The following USP42 variants were observed in gnomAD, a reference collection of about 807,000 sequenced individuals.
USP42 encodes the protein ubiquitin carboxyl-terminal hydrolase 42.
Under a neutral mutation model 113.0 loss-of-function variants are expected in USP42, and 23 were observed. That is an observed-to-expected ratio of 0.20 (90% confidence interval 0.15 to 0.29). The LOEUF is 0.29. Among genes scored for constraint, USP42 ranks in the 10% least tolerant of loss-of-function variants. USP42 has a pLI of 1.00. For synonymous variants in USP42, 933 were observed against 699.0 expected (o/e 1.33, Z -5.28); for missense variants, 2,174 against 1,779.8 (o/e 1.22, Z -3.99).
chr7:6,096,986 T>C, the USP42 span, among the ~76,000 whole-genome samples: 2 of 150,388 alleles, frequency 1.3e-5, no homozygotes, highest in Non-Finnish European at 1.5e-5. Context: ...TGCTGTGGCA[T>C]GATCTTGGCT....
chr7:6,085,293 T>G, the USP42 span: 2 of 149,630 alleles, frequency 1.3e-5, no homozygotes, highest in African/African-American at 5.0e-5. Flanking sequence ...CTAATTTTTT[T>G]TTTTTTAGTT....
At chr7:6,102,334 G>A (rs904636972), upstream of USP42, among the ~76,000 whole-genome samples, 14 of 150,044 alleles carry the variant, frequency 9.3e-5, no homozygotes, top group Non-Finnish European at 2.1e-4. Context: ...GGCTGGTCTC[G>A]AACTCCTGAT....
the USP42 span, among the ~76,000 whole-genome samples, chr7:6,097,563 C>A: frequency 2.0e-5 from 3 of 150,346 alleles, no homozygotes; most frequent in Non-Finnish European, 4.4e-5. Flanking sequence ...TAAGCCACTG[C>A]GCCCAGCCAT....
At chr7:6,111,440 G>A in intron 2 of USP42, 66 bp downstream of exon 2, 1 of 1,562,194 alleles carries the variant, frequency 6.4e-7, no homozygotes, top group Non-Finnish European at 8.7e-7. Flanking sequence ...GGGGCTTGGT[G>A]GTTTCAGAGA....
chr7:6,146,450 A>G (rs520044), intron 11 of USP42, among the ~76,000 whole-genome samples: 3,977 of 152,198 alleles, frequency 0.026, 70 homozygotes, highest in Non-Finnish European at 0.038. Context: ...ACTTGAGCCC[A>G]GGAGTTCGAG....
At chr7:6,104,213 G>C (rs1159185848), upstream of USP42, among the ~76,000 whole-genome samples, 1 of 151,370 alleles carries the variant, frequency 6.6e-6, no homozygotes, top group Non-Finnish European at 1.5e-5. Context: ...TTCCCGAGTA[G>C]CTGGGACTAC....
rs1168155929 is a variant in USP42, at chr7:6,158,222, G to A, written c.3943+1167G>A. ...CAGGTGCGTTCCCACGCTGTCTGGC[G>A]GCTTCGCTGTCACTGCCTGGCAGAG... On this transcript the variant is annotated intron_variant, in intron 16 of 17. Transcript: ENST00000306177. This position sits in a 1 kb window ranked among gnomAD's most constrained non-coding sequence, Gnocchi z 4.2. Among the ~76,000 whole-genome samples the A allele has an allele frequency of 2.6e-5, 4 of 152,250 alleles. No homozygotes were observed. Among genetic ancestry groups the A allele is most frequent in the African/African-American group, 7.2e-5 (3 of 41,470 alleles).
At chr7:6,136,027 CAG>C in intron 4 of USP42, 76 bp downstream of exon 4, 1 of 843,918 alleles carries the variant, frequency 1.2e-6, no homozygotes, top group Non-Finnish European at 1.7e-6. Flanking sequence ...TTTTTCGAGA[CAG>C]AGTCTTGCTC....
upstream of USP42, among the ~76,000 whole-genome samples, chr7:6,102,866 G>C (rs1005275725): frequency 6.6e-6 from 1 of 151,158 alleles, no homozygotes. Context: ...GTTTTTGGAA[G>C]ACCACCCAAG....
chr7:6,085,733 G>C, the USP42 span, among the ~76,000 whole-genome samples: 1 of 150,230 alleles, frequency 6.7e-6, no homozygotes, highest in Non-Finnish European at 1.5e-5. Flanking sequence ...TCCTGCCTCA[G>C]CTTCCTGAGT....
upstream of USP42, among the ~76,000 whole-genome samples, chr7:6,102,214 C>G (rs1203632117): frequency 6.8e-6 from 1 of 146,002 alleles, no homozygotes. Flanking sequence ...CTCCCAGGTT[C>G]AAGCGATTCT....
the USP42 span, among the ~76,000 whole-genome samples, chr7:6,098,972 C>T: frequency 2.0e-5 from 3 of 150,110 alleles, 1 homozygote; most frequent in African/African-American, 7.4e-5. Flanking sequence ...AGAGTCCTGT[C>T]CTTTGTCTCA....
At chr7:6,120,215 C>T (rs1390717830) in intron 3 of USP42, among the ~76,000 whole-genome samples, 6 of 152,150 alleles carry the variant, frequency 3.9e-5, no homozygotes, top group Admixed American at 6.5e-5. Context: ...CTGCCTGCCT[C>T]GGCCTCTCAG....
chr7:6,103,086 T>C (rs1343646664), upstream of USP42, among the ~76,000 whole-genome samples: 1 of 150,882 alleles, frequency 6.6e-6, no homozygotes, highest in East Asian at 1.9e-4. Flanking sequence ...AGGTCCTTAA[T>C]CAGTGCAGGG....
chr7:6,103,659 G>C (rs1790210083), upstream of USP42, among the ~76,000 whole-genome samples: 1 of 149,242 alleles, frequency 6.7e-6, no homozygotes, highest in African/African-American at 2.5e-5. Context: ...CCAGCGCTTT[G>C]GGAGGCTGAG....
At position 6,158,987 on chromosome 7, in the gene USP42, G is replaced by A. The variant is rs559650527; in HGVS notation, c.3944-463G>A. On this transcript the variant is annotated intron_variant, in intron 16 of 17. Transcript: ENST00000306177. The surrounding 1 kb of genome is among the most constrained non-coding windows in gnomAD (Gnocchi z 4.2). ...GTTTCCGTCCCCGTCCCACTGCACC[G>A]ATGACAGGGTTTGCAGCTGGCGCTT... Among the ~76,000 whole-genome samples the A allele has an allele frequency of 2.0e-5, 3 of 152,234 alleles. No individual in the cohort carries two copies. The highest frequency in any genetic ancestry group is 2.1e-4 in the South Asian group (1 of 4,818).
the USP42 span, among the ~76,000 whole-genome samples, chr7:6,082,564 G>T: frequency 2.7e-5 from 4 of 149,258 alleles, no homozygotes; most frequent in South Asian, 8.4e-4. Context: ...ACCAGCCAGG[G>T]CAACATAAGG....
At chr7:6,137,581 C>T (rs1344760192) in intron 4 of USP42, among the ~76,000 whole-genome samples, 2 of 152,150 alleles carry the variant, frequency 1.3e-5, no homozygotes, top group African/African-American at 4.8e-5. Context: ...TGGCCTTGAA[C>T]TCCTGACCTC....
chr7:6,151,244 G>A (rs1782030942), intron 14 of USP42, among the ~76,000 whole-genome samples: 1 of 152,154 alleles, frequency 6.6e-6, no homozygotes, highest in Admixed American at 6.5e-5. Context: ...GTACACTACT[G>A]TAGACTCTGG....
Sources: allele counts gnomAD v4.1 joint callset (sites outside exome capture counted in the v4.1 genomes callset), GRCh38; gene constraint gnomAD v4.1.1; non-coding constraint Gnocchi (gnomAD v3.1); transcripts MANE v1.5; gene names NCBI Gene and HGNC (gene_info 2026-07-23, HGNC 2026-07-21).